ZFHX3: variants seen among roughly 807,000 people sequenced by gnomAD.
The protein encoded by ZFHX3 is zinc finger homeobox protein 3.
ZFHX3 carries 42 observed loss-of-function variants against 279.1 expected under a neutral mutation model. The ratio of observed to expected loss-of-function variants is 0.15; its 90% CI spans 0.12 to 0.19. ZFHX3 has a LOEUF of 0.19. Ranked by LOEUF, ZFHX3 falls within the 10% of genes least tolerant of loss-of-function variation. The pLI is 1.00. For synonymous variants in ZFHX3, 2,293 were observed against 1,957.8 expected (o/e 1.17, Z -4.52); for missense variants, 4,981 against 4,754.0 (o/e 1.05, Z -1.40).
intron 1 of ZFHX3, among the ~76,000 whole-genome samples, chr16:73,769,980 T>G (rs1039132269): frequency 1.3e-5 from 2 of 152,210 alleles, no homozygotes; most frequent in African/African-American, 4.8e-5. Flanking sequence ...CACTCAGATG[T>G]GATGACTGAC....
chr16:73,215,199 C>G (rs528088643), intron 5 of ZFHX3, among the ~76,000 whole-genome samples: 2 of 152,294 alleles, frequency 1.3e-5, no homozygotes, highest in Admixed American at 6.5e-5. Flanking sequence ...TCTAGAGAAG[C>G]CGAGGAGACC....
In ZFHX3 at chr16:73,605,130, T is replaced by C. The variant is rs187977446; in HGVS notation, c.-1547+75050A>G. 1.6e-4 allele frequency among the ~76,000 whole-genome samples: 25 copies of C among 152,264 alleles called. 2 individuals are homozygous for C. The highest frequency in any genetic ancestry group is 1.6e-3 in the Admixed American group (25 of 15,298). Reference sequence around the variant, plus strand: ...GAATGATTTAGGCCTGAGAGTTTCATCCTAAGAAACATCTACCGGTGGCGG... The same window carrying C: ...GAATGATTTAGGCCTGAGAGTTTCACCCTAAGAAACATCTACCGGTGGCGG... On this transcript the variant is annotated intron_variant, in intron 2 of 17. Coordinates refer to the ZFHX3 transcript ENST00000641206.
intron 3 of ZFHX3, among the ~76,000 whole-genome samples, chr16:73,411,181 T>C (rs2017458154): frequency 6.6e-6 from 1 of 152,224 alleles, no homozygotes. Context: ...TAGAGTTGAC[T>C]TCAGAAATGC....
intron 2 of ZFHX3, among the ~76,000 whole-genome samples, chr16:73,536,920 A>C (rs1468269931): frequency 6.6e-6 from 1 of 152,132 alleles, no homozygotes; most frequent in Non-Finnish European, 1.5e-5. Context: ...AGGTTAATTC[A>C]ATGACATTCT....
intron 5 of ZFHX3, among the ~76,000 whole-genome samples, chr16:73,147,691 CAAAAAAAAAAAAA>C (rs56079754): frequency 7.3e-5 from 3 of 40,896 alleles, no homozygotes; most frequent in African/African-American, 3.3e-4. Context: ...GACTCCGTCT[CAAAAAAAAAAAAA>C]AAAAAAAAAA....
intron 1 of ZFHX3, among the ~76,000 whole-genome samples, chr16:73,798,916 T>G (rs1960071708): frequency 6.6e-6 from 1 of 152,240 alleles, no homozygotes; most frequent in Non-Finnish European, 1.5e-5. Context: ...ACAAATTCTT[T>G]GGCTTCTTCA....
chr16:73,298,632 G>A (rs970588115), intron 4 of ZFHX3, among the ~76,000 whole-genome samples: 6 of 152,094 alleles, frequency 3.9e-5, no homozygotes, highest in Non-Finnish European at 7.4e-5. Flanking sequence ...TGGTGCAGTG[G>A]CCAGCTGTGA....
intron 1 of ZFHX3, among the ~76,000 whole-genome samples, chr16:72,961,481 C>T (rs977419390): frequency 1.3e-5 from 2 of 152,176 alleles, no homozygotes; most frequent in African/African-American, 4.8e-5. Flanking sequence ...ATCCTTTGCC[C>T]GTAGGTCCCC....
chr16:73,104,707 C>T (rs1214845763), intron 7 of ZFHX3, among the ~76,000 whole-genome samples: 1 of 152,138 alleles, frequency 6.6e-6, no homozygotes, highest in African/African-American at 2.4e-5. Context: ...CTCTCAGGGC[C>T]TCGGTTGACT....
chr16:73,301,129 CT>C (rs1385585722), intron 4 of ZFHX3, among the ~76,000 whole-genome samples: 23 of 152,190 alleles, frequency 1.5e-4, no homozygotes, highest in African/African-American at 5.6e-4. Flanking sequence ...TATCAGAGTC[CT>C]TTGGATAACT....
chr16:73,765,642 G>T (rs1359153754), intron 1 of ZFHX3, among the ~76,000 whole-genome samples: 2 of 152,166 alleles, frequency 1.3e-5, no homozygotes, highest in South Asian at 2.1e-4. Context: ...CTCATTTTTG[G>T]TTCAAGGCCA....
rs2035484821 is a variant in ZFHX3, at chr16:72,787,733, C to CGCCGCCGCCACT, written c.10542_10543insAGTGGCGGCGGC (p.Gly3514_Gly3515insSerGlyGlyGly). 2 of 1,398,650 alleles carry CGCCGCCGCCACT rather than the reference C, an allele frequency of 1.4e-6. No homozygotes were observed. Among genetic ancestry groups the CGCCGCCGCCACT allele is most frequent in the Non-Finnish European group, 1.9e-6 (2 of 1,072,188 alleles). 86.6% of individuals were successfully genotyped at this position (1,398,650 alleles called of 1,614,324 possible). ...CCGCCGCCGCCACCGCCGCCGCCGC[C>CGCCGCCGCCACT]GCCACTGCCACCGCCGCCGCCGCCG... On this transcript the variant is annotated inframe_insertion, in exon 10 of 10. Transcript: ENST00000268489.
rs545612144 is a variant in ZFHX3, at chr16:73,787,223, C to T, written c.-1608+104428G>A. Among the ~76,000 whole-genome samples the T allele has an allele frequency of 2.6e-5, 4 of 152,190 alleles. No individual in the cohort carries two copies. The South Asian group carries it at 8.3e-4, about 32-fold the overall frequency. On this transcript the variant is annotated intron_variant, in intron 1 of 17. Transcript: ENST00000641206. ...TTTCCATCCTATCATTGGGGTGTTTCCTCTCTGGAATGCTAACAAATGATC... is the reference window on the plus strand; with the variant it reads ...TTTCCATCCTATCATTGGGGTGTTTTCTCTCTGGAATGCTAACAAATGATC...
chr16:73,819,506 A>G (rs1034914058), intron 1 of ZFHX3, among the ~76,000 whole-genome samples: 1 of 152,108 alleles, frequency 6.6e-6, no homozygotes, highest in Non-Finnish European at 1.5e-5. Context: ...CTTGGCCACA[A>G]ACTTTAAGTC....
chr16:72,986,152 G>A (rs1875416757), intron 1 of ZFHX3, among the ~76,000 whole-genome samples: 1 of 152,076 alleles, frequency 6.6e-6, no homozygotes, highest in African/African-American at 2.4e-5. Flanking sequence ...CCCGTCCTGG[G>A]TGGAGCTTCA....
chr16:73,689,163 T>C (rs112456843), intron 1 of ZFHX3, among the ~76,000 whole-genome samples: 2,062 of 152,348 alleles, frequency 0.014, 45 homozygotes, highest in African/African-American at 0.047. Context: ...TTAAATTCTC[T>C]TGATAATCTT....
chr16:73,320,056 A>C (rs916274528), intron 3 of ZFHX3, among the ~76,000 whole-genome samples: 51 of 152,174 alleles, frequency 3.4e-4, no homozygotes, highest in African/African-American at 1.2e-3. Context: ...AGTACAAATG[A>C]GGGAGAAAAG....
intron 1 of ZFHX3, among the ~76,000 whole-genome samples, chr16:73,748,809 C>T (rs999770093): frequency 1.3e-3 from 202 of 152,054 alleles, no homozygotes; most frequent in African/African-American, 4.8e-3. Context: ...ATTTTTGAGA[C>T]AGAGTTTTGC....
chr16:73,193,926 C>T (rs182426854), intron 5 of ZFHX3, among the ~76,000 whole-genome samples: 7 of 152,320 alleles, frequency 4.6e-5, no homozygotes, highest in Admixed American at 1.3e-4. Flanking sequence ...ACAGTATAAT[C>T]GTCATGAGTC....
Sources: allele counts gnomAD v4.1 joint callset (sites outside exome capture counted in the v4.1 genomes callset), GRCh38; gene constraint gnomAD v4.1.1; transcripts MANE v1.5; gene names NCBI Gene and HGNC (gene_info 2026-07-23, HGNC 2026-07-21).